The following KIAA1549 variants were observed in gnomAD, a reference collection of about 807,000 sequenced individuals.
KIAA1549 encodes UPF0606 protein KIAA1549.
In KIAA1549, 70 loss-of-function variants were observed where a neutral mutation model predicts 156.4. That is an observed-to-expected ratio of 0.45 (90% CI 0.37 to 0.55). The LOEUF is 0.55. Ranked by LOEUF, KIAA1549 falls within the 20% of genes least tolerant of loss-of-function variation. The pLI, the probability that KIAA1549 is intolerant of heterozygous loss-of-function variation, is 0.00. For missense variants in KIAA1549, 2,428 were observed against 2,540.9 expected, an observed-to-expected ratio of 0.96 and a Z score of 0.96; for synonymous variants, 1,103 against 1,066.4, an observed-to-expected ratio of 1.03 and a Z score of -0.67.
chr7:138,939,590 A>G (rs1296181950), intron 1 of KIAA1549, among the ~76,000 whole-genome samples: 1 of 152,202 alleles, frequency 6.6e-6, no homozygotes, highest in African/African-American at 2.4e-5. Flanking sequence ...GCTTCATTAG[A>G]TTCAGAATCA....
intron 16 of KIAA1549, among the ~76,000 whole-genome samples, chr7:138,859,404 G>A (rs1026558823): frequency 2.6e-5 from 4 of 152,168 alleles, no homozygotes; most frequent in Admixed American, 1.3e-4. Context: ...TCCCAGGCCT[G>A]TGTGAATTTT....
chr7:138,837,755 A>G lies in KIAA1549; in HGVS notation c.*151T>C, dbSNP rs527549464. ...AGGCTCATGAGCTGTCACACGACGT[A>G]TGGCATCTTCTAAATTGCAACTTGC... On this transcript the variant is annotated 3_prime_UTR_variant, in exon 20 of 20. Transcript: ENST00000422774. 4.6e-4 allele frequency: 349 copies of G among 756,918 alleles called. No homozygotes were observed. The African/African-American group carries it at 5.4e-3, about 12-fold the overall frequency. The allele number at this position is 756,918 out of a possible 1,614,324, so 46.9% of individuals were successfully genotyped here.
intron 1 of KIAA1549, among the ~76,000 whole-genome samples, chr7:138,919,719 G>A (rs1047411911): frequency 3.3e-5 from 5 of 151,998 alleles, no homozygotes; most frequent in African/African-American, 4.8e-5. Flanking sequence ...CCACAGAACC[G>A]TAGGATACTG....
At chr7:138,973,118 A>C (rs1225920853) in intron 1 of KIAA1549, among the ~76,000 whole-genome samples, 1 of 152,182 alleles carries the variant, frequency 6.6e-6, no homozygotes, top group African/African-American at 2.4e-5. Context: ...CACCGCGCCC[A>C]GCCCAGTCAC....
At chr7:138,880,727 C>G (rs1378742693) in intron 11 of KIAA1549, among the ~76,000 whole-genome samples, 2 of 152,196 alleles carry the variant, frequency 1.3e-5, no homozygotes, top group African/African-American at 4.8e-5. Flanking sequence ...TACAGCCCTT[C>G]TCACAGGGTC....
At chr7:138,904,471 A>G (rs982528792) in intron 7 of KIAA1549, among the ~76,000 whole-genome samples, 2 of 152,108 alleles carry the variant, frequency 1.3e-5, no homozygotes, top group African/African-American at 2.4e-5. Flanking sequence ...ACTACCCCAC[A>G]TGCTCTCTCG....
intron 15 of KIAA1549, among the ~76,000 whole-genome samples, chr7:138,867,530 G>A (rs940702877): frequency 6.0e-5 from 9 of 150,858 alleles, no homozygotes; most frequent in African/African-American, 2.2e-4. Flanking sequence ...ACTCCAGCCT[G>A]GGCAACAGAG....
chr7:138,939,662 A>C (rs144572343), intron 1 of KIAA1549, among the ~76,000 whole-genome samples: 205 of 152,320 alleles, frequency 1.3e-3, no homozygotes, highest in African/African-American at 4.5e-3. Flanking sequence ...CACGGCAGGA[A>C]GCGCCTGGTT....
chr7:138,970,385 G>A (rs1349448822), intron 1 of KIAA1549, among the ~76,000 whole-genome samples: 1 of 152,178 alleles, frequency 6.6e-6, no homozygotes, highest in African/African-American at 2.4e-5. Context: ...TCTGAGCAGC[G>A]CAGCCAGCCA....
At chr7:138,938,241 G>A (rs865996821) in intron 1 of KIAA1549, among the ~76,000 whole-genome samples, 5 of 152,330 alleles carry the variant, frequency 3.3e-5, no homozygotes, top group African/African-American at 1.2e-4. Flanking sequence ...TCTCACTCCA[G>A]AACTGTGAGT....
At chr7:138,852,806 G>C (rs943675009) in intron 16 of KIAA1549, among the ~76,000 whole-genome samples, 1 of 152,204 alleles carries the variant, frequency 6.6e-6, no homozygotes, top group Non-Finnish European at 1.5e-5. Context: ...AAACTAGAGA[G>C]ACTCTACAAG....
chr7:138,837,837 C>A lies in KIAA1549; in HGVS notation c.*69G>T. On this transcript the variant is annotated 3_prime_UTR_variant, in exon 20 of 20. Coordinates refer to ENST00000422774, the MANE Select transcript of KIAA1549 (RefSeq NM_001164665.2). ...CTCCTTCCTCTTCCAAACACCCACTCAGTTGATTTCCTTTTGGTCTTGCTT... is the reference window on the plus strand; with the variant it reads ...CTCCTTCCTCTTCCAAACACCCACTAAGTTGATTTCCTTTTGGTCTTGCTT... The A allele has an allele frequency of 6.5e-7, 1 of 1,538,082 alleles. No individual in the cohort carries two copies.
At chr7:138,910,659 A>C (rs927952509) in intron 4 of KIAA1549, among the ~76,000 whole-genome samples, 3 of 151,330 alleles carry the variant, frequency 2.0e-5, no homozygotes, top group African/African-American at 7.3e-5. Flanking sequence ...CAGCCTCTCA[A>C]AGTGCTGAGA....
chr7:138,918,619 G>A lies in KIAA1549; in HGVS notation c.1007C>T (p.Thr336Ile). ...TTVLSQSLEE[T>I]ISPRTYPTVT... ...AGTGGGGTATGTTCTTGGAGAGATG[G>A]TTTCTTCTAGGCTTTGACTCAACAC... Residue 336 changes from threonine to isoleucine, a missense_variant, in exon 2 of 20, where the codon ACC becomes ATC. Around this residue, in one of 5 missense-constraint regions of KIAA1549, gnomAD observed 893 missense variants for 847.9 expected, o/e 1.05. Coordinates refer to ENST00000422774, the MANE Select transcript of KIAA1549 (RefSeq NM_001164665.2). The surrounding 1 kb of genome is among the most constrained non-coding windows in gnomAD (Gnocchi z 4.2). The A allele has an allele frequency of 6.2e-7, 1 of 1,613,936 alleles. No homozygotes were observed. Among genetic ancestry groups the A allele is most frequent in the Non-Finnish European group, 8.5e-7 (1 of 1,179,902 alleles).
chr7:138,849,987 C>T (rs1425663097), intron 17 of KIAA1549, among the ~76,000 whole-genome samples: 1 of 152,038 alleles, frequency 6.6e-6, no homozygotes, highest in Non-Finnish European at 1.5e-5. Flanking sequence ...AGGTTGATTC[C>T]ATGTCTCTGC....
At chr7:138,841,244 A>AT (rs907331003) in intron 18 of KIAA1549, among the ~76,000 whole-genome samples, 8 of 152,022 alleles carry the variant, frequency 5.3e-5, no homozygotes, top group East Asian at 1.9e-4. Flanking sequence ...CAATATGCTT[A>AT]TTTTTTTCCC....
intron 1 of KIAA1549, among the ~76,000 whole-genome samples, chr7:138,956,708 A>G (rs1220617857): frequency 2.0e-5 from 3 of 152,120 alleles, no homozygotes; most frequent in African/African-American, 7.2e-5. Flanking sequence ...TTTATAAATT[A>G]CCCAATCTCA....
In KIAA1549 at chr7:138,840,184, C is replaced by A; in HGVS notation, c.5547G>T (p.Gly1849=). ...CCCCGTACGAAGGCCAGCCTGGCCC[C>A]CCATACTGGCTGCCTCTGCTTGGCG... ...EIPPSRGSQY[G]GPGWPSYGED... is the part of the protein sequence containing the mutation. Residue 1849 remains glycine, a synonymous_variant, in exon 19 of 20, where the codon GGG becomes GGT. Transcript: ENST00000422774. 1 of 1,563,256 alleles carries A rather than the reference C, an allele frequency of 6.4e-7. No homozygotes were observed. Among genetic ancestry groups the A allele is most frequent in the Non-Finnish European group, 8.7e-7 (1 of 1,153,546 alleles).
At chr7:138,879,716 A>G in intron 11 of KIAA1549, 63 bp from the exon 12 acceptor site, 1 of 1,121,876 alleles carries the variant, frequency 8.9e-7, no homozygotes, top group Non-Finnish European at 1.3e-6. Context: ...AAAAAGTCCC[A>G]TTAATTTGTG....
Sources: allele counts gnomAD v4.1 joint callset (sites outside exome capture counted in the v4.1 genomes callset), GRCh38; gene constraint gnomAD v4.1.1; regional missense constraint gnomAD v4.1.1; non-coding constraint Gnocchi (gnomAD v3.1); transcripts MANE v1.5; gene names NCBI Gene and HGNC (gene_info 2026-07-23, HGNC 2026-07-21).